The following AXL variants were observed in gnomAD, a reference collection of about 807,000 sequenced individuals.
AXL encodes the protein AXL receptor tyrosine kinase.
A neutral mutation model predicts 104.5 loss-of-function variants in AXL; 52 were observed. The observed-to-expected ratio is 0.50, with a 90% CI of 0.40 to 0.63. AXL has a LOEUF of 0.63. Among genes scored for constraint, AXL ranks in the 20% least tolerant of loss-of-function variants. The pLI, the probability that AXL is intolerant of heterozygous loss-of-function variation, is 0.00. For synonymous variants in AXL, 455 were observed against 473.7 expected, an observed-to-expected ratio of 0.96 and a Z score of 0.51; for missense variants, 1,024 against 1,188.5, an observed-to-expected ratio of 0.86 and a Z score of 2.04.
In AXL at chr19:41,239,347, C is replaced by A. The variant is rs200895549; in HGVS notation, c.1285+33C>A. 3.3e-6 allele frequency: 5 copies of A among 1,538,112 alleles called. No individual in the cohort carries two copies. The East Asian group carries it at 1.1e-4, about 35-fold the overall frequency. Reference sequence around the variant, plus strand: ...CAAAGCCATGCCCAACCTGCTTCAACCCTGTCTCTCCCTGACAGCCCTGAC... The same window carrying A: ...CAAAGCCATGCCCAACCTGCTTCAAACCTGTCTCTCCCTGACAGCCCTGAC... On this transcript the variant is annotated intron_variant, in intron 9 of 19. Transcript: ENST00000301178.
Position 41,221,990 on chromosome 19 carries a change from C to T in AXL, c.520C>T (p.Leu174Phe), listed in dbSNP as rs2122199420. 1 of 1,609,886 alleles carries T rather than the reference C, an allele frequency of 6.2e-7. No homozygotes were observed. Among genetic ancestry groups the T allele is most frequent in the Non-Finnish European group, 8.5e-7 (1 of 1,178,434 alleles). ...CCCAGAGCCCGTGGACCTACTCTGG[C>T]TCCAGGATGCTGTCCCCCTGGCCAC... is the stretch of plus-strand genomic sequence containing the variant. ...GPPEPVDLLW[L>F]QDAVPLATAP... The change falls in exon 4 of 20, where the codon CTC becomes TTC. Residue 174 changes from leucine (L) to phenylalanine (F), a missense_variant. Transcript: ENST00000301178.
intron 12 of AXL, among the ~76,000 whole-genome samples, chr19:41,247,344 T>C (rs1246297396): frequency 6.6e-6 from 1 of 152,084 alleles, no homozygotes; most frequent in African/African-American, 2.4e-5. Context: ...AGAAACCCCG[T>C]CTCTACTAAA....
intron 10 of AXL, among the ~76,000 whole-genome samples, chr19:41,240,145 G>C (rs1375251419): frequency 6.6e-6 from 1 of 151,700 alleles, no homozygotes; most frequent in Admixed American, 6.6e-5. Flanking sequence ...TGGATGAATA[G>C]AGGGTGGATA....
At chr19:41,243,769 T>A (rs2034225251) in intron 12 of AXL, 62 bp downstream of exon 12, 1 of 1,472,128 alleles carries the variant, frequency 6.8e-7, no homozygotes, top group Admixed American at 1.7e-5. Context: ...GAATCTGGCC[T>A]GCTGGGCTTC....
chr19:41,256,761 G>A (rs1424166513), intron 18 of AXL, 150 bp downstream of exon 18: 5 of 1,035,374 alleles, frequency 4.8e-6, no homozygotes, highest in Non-Finnish European at 5.6e-6. Context: ...GGCATGTCTT[G>A]GGGTATGGTG....
chr19:41,260,146 C>T lies in AXL; in HGVS notation c.*242C>T, dbSNP rs925595879. ...TGGATTGCAATATCTGAAGCCCTCC[C>T]AGGTGTTAACATTCCAAGACTCTAG... On this transcript the variant is annotated 3_prime_UTR_variant, in exon 20 of 20. Transcript: ENST00000301178. 8 of 479,092 alleles carry T rather than the reference C, an allele frequency of 1.7e-5. No individual in the cohort carries two copies. The highest frequency in any genetic ancestry group is 2.2e-5 in the Non-Finnish European group (6 of 272,500). 29.7% of individuals were successfully genotyped at this position (479,092 alleles called of 1,614,324 possible).
intron 4 of AXL, among the ~76,000 whole-genome samples, chr19:41,224,378 CT>C (rs1468590921): frequency 6.6e-6 from 1 of 151,890 alleles, no homozygotes; most frequent in Non-Finnish European, 1.5e-5. Context: ...TTTTTTCCCC[CT>C]TATTTTTTTT....
intron 14 of AXL, among the ~76,000 whole-genome samples, chr19:41,249,192 C>T (rs1488703269): frequency 6.6e-6 from 1 of 152,024 alleles, no homozygotes; most frequent in African/African-American, 2.4e-5. Flanking sequence ...CCCAGAATAG[C>T]ACTTTGGGAG....
rs374737642 is a variant in AXL at position 41,252,870 on chromosome 19, G to T, written c.1829G>T (p.Arg610Leu). 9.9e-6 allele frequency: 16 copies of T among 1,614,002 alleles called. No homozygotes were observed. Among genetic ancestry groups the T allele is most frequent in the Admixed American group, 5.0e-5 (3 of 59,996 alleles). The stretch of plus-strand genomic sequence containing the variant: ...GGTGTCTGTTTCCAGGGTTCTGAAC[G>T]AGAGAGCTTCCCAGCACCTGTGGTC... ...LIGVCFQGSE[R>L]ESFPAPVVIL... The change falls in exon 16 of 20, where the codon CGA (arginine) becomes CTA (leucine). Residue 610 changes from arginine (R) to leucine (L), a missense_variant. Around this residue, in one of 5 missense-constraint regions of AXL, gnomAD observed 523 missense variants for 636.0 expected, o/e 0.82. Transcript: ENST00000301178.
At chr19:41,253,916 G>A (rs1217948421) in intron 17 of AXL, among the ~76,000 whole-genome samples, 6 of 151,984 alleles carry the variant, frequency 3.9e-5, no homozygotes, top group East Asian at 1.9e-4. Flanking sequence ...ATTTGGATGC[G>A]GAGAGGGAAG....
intron 14 of AXL, among the ~76,000 whole-genome samples, chr19:41,249,434 G>C (rs1273151007): frequency 6.6e-6 from 1 of 151,916 alleles, no homozygotes; most frequent in Non-Finnish European, 1.5e-5. Context: ...CAATCTGGGT[G>C]ACAGAGTGAG....
At chr19:41,222,603 C>G (rs967695394) in intron 4 of AXL, among the ~76,000 whole-genome samples, 8 of 152,168 alleles carry the variant, frequency 5.3e-5, no homozygotes, top group African/African-American at 1.9e-4. Context: ...GAAGAGAGAG[C>G]AGGAAGAAAG....
At chr19:41,227,946 AG>A (rs2033912086) in intron 4 of AXL, among the ~76,000 whole-genome samples, 1 of 152,168 alleles carries the variant, frequency 6.6e-6, no homozygotes, top group Non-Finnish European at 1.5e-5. Context: ...GGCCAACCAG[AG>A]TGGGATGGCA....
chr19:41,225,067 G>A (rs113354271), intron 4 of AXL, among the ~76,000 whole-genome samples: 9,084 of 152,242 alleles, frequency 0.06, 945 homozygotes, highest in African/African-American at 0.21. Flanking sequence ...GCAGTGGCAC[G>A]ATCTTGGCTT....
In AXL at chr19:41,260,624, G is replaced by C. The variant is rs1410009636; in HGVS notation, c.*720G>C. 1 of 152,066 alleles carries C rather than the reference G, an allele frequency of 6.6e-6. No individual in the cohort carries two copies. The highest frequency in any genetic ancestry group is 1.9e-4 in the East Asian group (1 of 5,198). The allele number at this position is 152,066 out of a possible 1,614,324, so 9.4% of individuals were successfully genotyped here. ...ACTGCACTCAACCTTAAGACCTACTGTTCTAAAGCTCTGACATTATGTGGT... is the reference window on the plus strand; with the variant it reads ...ACTGCACTCAACCTTAAGACCTACTCTTCTAAAGCTCTGACATTATGTGGT... On this transcript the variant is annotated 3_prime_UTR_variant, in exon 20 of 20. Coordinates refer to ENST00000301178, the MANE Select transcript of AXL (RefSeq NM_021913.5).
intron 13 of AXL, 65 bp downstream of exon 13, chr19:41,248,674 C>G (rs1354810689): frequency 6.2e-7 from 1 of 1,611,022 alleles, no homozygotes; most frequent in Non-Finnish European, 8.5e-7. Flanking sequence ...TCCACACTCC[C>G]ACCCAACTAT....
chr19:41,257,802 G>A (rs181510069), intron 19 of AXL, among the ~76,000 whole-genome samples, 173 bp downstream of exon 19: 1 of 152,312 alleles, frequency 6.6e-6, no homozygotes, highest in African/African-American at 2.4e-5. Context: ...TAACCAGTGG[G>A]GTGCAAATCA....
At chr19:41,220,228 GCCA>G (rs2033762261) in intron 1 of AXL, among the ~76,000 whole-genome samples, 1 of 149,332 alleles carries the variant, frequency 6.7e-6, no homozygotes, top group South Asian at 2.1e-4. Context: ...TTCTCCCTCC[GCCA>G]CCACCCTTAT....
In AXL at chr19:41,257,540, C is replaced by T. The variant is rs1315532426; in HGVS notation, c.2244C>T (p.Thr748=). 1.2e-6 allele frequency: 2 copies of T among 1,614,132 alleles called. No homozygotes were observed. The highest frequency in any genetic ancestry group is 3.3e-5 in the Admixed American group (2 of 60,014). Residue 748 remains threonine, a synonymous_variant, in exon 19 of 20, where the codon ACC becomes ACT. Transcript: ENST00000301178. ...TMWEIATRGQ[T]PYPGVENSEI... is the part of the protein sequence containing the mutation. ...GGGAGATTGCCACAAGAGGCCAAAC[C>T]CCATATCCGGGCGTGGAGAACAGCG...
Sources: gnomAD v4.1 joint callset for allele counts (sites outside exome capture counted in the v4.1 genomes callset) on GRCh38, gnomAD v4.1.1 for gene constraint, gnomAD v4.1.1 regional missense constraint, MANE v1.5 for transcripts, NCBI Gene and HGNC (gene_info 2026-07-23, HGNC 2026-07-21) for gene names.